Variants in ZBBX observed in about 807,000 individuals in gnomAD.
The protein encoded by ZBBX is zinc finger B-box domain-containing protein 1.
In ZBBX, 101 loss-of-function variants were observed where a neutral mutation model predicts 108.5. The ratio of observed to expected loss-of-function variants is 0.93; its 90% CI spans 0.79 to 1.10. The LOEUF is 1.10. ZBBX is among the 50% of genes least tolerant of loss of function. ZBBX has a pLI of 0.00. For synonymous variants in ZBBX, 356 were observed against 323.4 expected (o/e 1.10, Z -1.08); for missense variants, 1,009 against 941.4 (o/e 1.07, Z -0.94).
chr3:167,307,979 A>G (rs916652319), intron 16 of ZBBX, among the ~76,000 whole-genome samples: 1 of 152,214 alleles, frequency 6.6e-6, no homozygotes, highest in African/African-American at 2.4e-5. Flanking sequence ...CAATTAAACT[A>G]AAGAGCTTCT....
At chr3:167,389,682 G>A (rs1268216511) in intron 1 of ZBBX, among the ~76,000 whole-genome samples, 3 of 152,144 alleles carry the variant, frequency 2.0e-5, no homozygotes, top group South Asian at 2.1e-4. Flanking sequence ...TAACTGGTGA[G>A]AGATGGTATC....
chr3:167,390,026 T>C (rs1748041353), intron 1 of ZBBX, among the ~76,000 whole-genome samples: 1 of 152,166 alleles, frequency 6.6e-6, no homozygotes, highest in Non-Finnish European at 1.5e-5. Flanking sequence ...GTTTTAGTCA[T>C]GAAGTCTTTG....
chr3:167,341,563 A>G (rs1349457057), intron 9 of ZBBX, among the ~76,000 whole-genome samples: 1 of 151,950 alleles, frequency 6.6e-6, no homozygotes, highest in Non-Finnish European at 1.5e-5. Context: ...ACAAAATTCT[A>G]CTTAGAAAGC....
the ZBBX span, among the ~76,000 whole-genome samples, chr3:167,225,364 G>A: frequency 1.2e-4 from 18 of 151,772 alleles, no homozygotes; most frequent in Admixed American, 9.2e-4. Flanking sequence ...CCATCATCAC[G>A]AATGGTAGGA....
chr3:167,353,041 C>CTTT (rs1459054818), intron 8 of ZBBX, among the ~76,000 whole-genome samples: 2 of 152,088 alleles, frequency 1.3e-5, no homozygotes, highest in African/African-American at 4.8e-5. Context: ...GTGTCTAAAA[C>CTTT]GTTGCCCCTA....
intron 20 of ZBBX, among the ~76,000 whole-genome samples, chr3:167,279,808 G>T (rs1728424056): frequency 6.6e-6 from 1 of 152,114 alleles, no homozygotes; most frequent in Non-Finnish European, 1.5e-5. Flanking sequence ...TAAGCCAAAA[G>T]AACAAAGCTG....
chr3:167,193,397 T>C, the ZBBX span, among the ~76,000 whole-genome samples: 1 of 152,176 alleles, frequency 6.6e-6, no homozygotes, highest in African/African-American at 2.4e-5. Flanking sequence ...TTTCTTCTTT[T>C]TGACAGAGTT....
At chr3:167,200,518 T>A in the ZBBX span, among the ~76,000 whole-genome samples, 5 of 152,262 alleles carry the variant, frequency 3.3e-5, no homozygotes, top group East Asian at 9.7e-4. Flanking sequence ...GTCCTGAGGC[T>A]TGAATTCTAA....
downstream of ZBBX, among the ~76,000 whole-genome samples, chr3:167,235,773 C>A (rs761859939): frequency 3.3e-5 from 5 of 151,544 alleles, no homozygotes; most frequent in African/African-American, 4.8e-5. Context: ...ATAGGAGGAT[C>A]TTTATTTCTT....
chr3:167,292,642 T>G (rs1232964836), intron 18 of ZBBX, among the ~76,000 whole-genome samples: 2 of 151,950 alleles, frequency 1.3e-5, no homozygotes, highest in Non-Finnish European at 2.9e-5. Context: ...TTAAAAGAAT[T>G]AGAAAAGCAA....
intron 1 of ZBBX, among the ~76,000 whole-genome samples, chr3:167,406,025 T>C (rs1041296712): frequency 6.6e-6 from 1 of 152,096 alleles, no homozygotes; most frequent in African/African-American, 2.4e-5. Context: ...GATAGTGCCA[T>C]TGCTCTCCAG....
At chr3:167,340,032 T>G (rs1740276128) in intron 9 of ZBBX, among the ~76,000 whole-genome samples, 1 of 152,116 alleles carries the variant, frequency 6.6e-6, no homozygotes, top group Non-Finnish European at 1.5e-5. Flanking sequence ...ATGCTTTAAT[T>G]TATGGTAAAA....
chr3:167,329,164 A>G (rs1737945687), intron 10 of ZBBX, among the ~76,000 whole-genome samples: 1 of 152,232 alleles, frequency 6.6e-6, no homozygotes, highest in South Asian at 2.1e-4. Context: ...CCAAGCACAC[A>G]AGAAAATGAA....
chr3:167,340,811 G>C (rs900879727), intron 9 of ZBBX, among the ~76,000 whole-genome samples: 4 of 151,826 alleles, frequency 2.6e-5, no homozygotes, highest in African/African-American at 9.7e-5. Context: ...AAAAAAATTT[G>C]AGGAAAAGCC....
At chr3:167,301,507 C>CAT (rs1363040008) in intron 17 of ZBBX, among the ~76,000 whole-genome samples, 1 of 152,142 alleles carries the variant, frequency 6.6e-6, no homozygotes, top group Non-Finnish European at 1.5e-5. Context: ...GAGTCAGATT[C>CAT]ATAGTTCATT....
intron 1 of ZBBX, among the ~76,000 whole-genome samples, chr3:167,391,228 G>A (rs560315700): frequency 2.2e-4 from 33 of 152,000 alleles, no homozygotes; most frequent in African/African-American, 7.2e-4. Flanking sequence ...CCTTTTCTGC[G>A]TCTATTGACG....
At chr3:167,291,720 G>A (rs1560080384) in intron 18 of ZBBX, among the ~76,000 whole-genome samples, 1 of 152,144 alleles carries the variant, frequency 6.6e-6, no homozygotes, top group Non-Finnish European at 1.5e-5. Context: ...AACCTTAAAT[G>A]TAAATGGGCT....
chr3:167,212,012 T>C, the ZBBX span, among the ~76,000 whole-genome samples: 1 of 151,878 alleles, frequency 6.6e-6, no homozygotes, highest in African/African-American at 2.4e-5. Context: ...TGGGTTCTGA[T>C]CCCATTCCTC....
At chr3:167,251,078 C>T (rs1017714583) in intron 20 of ZBBX, among the ~76,000 whole-genome samples, 3 of 152,180 alleles carry the variant, frequency 2.0e-5, no homozygotes, top group African/African-American at 7.2e-5. Context: ...CACTGACCAG[C>T]AGGCCACTGA....
Sources: allele counts gnomAD v4.1 joint callset (sites outside exome capture counted in the v4.1 genomes callset), GRCh38; gene constraint gnomAD v4.1.1; transcripts MANE v1.5; gene names NCBI Gene and HGNC (gene_info 2026-07-23, HGNC 2026-07-21).